Variants in GOSR2 observed in about 807,000 individuals in gnomAD.
GOSR2 encodes 27 kDa Golgi SNARE protein.
In GOSR2, 20 loss-of-function variants were observed where a neutral mutation model predicts 27.9. The observed-to-expected ratio is 0.72, with a 90% CI of 0.50 to 1.04. GOSR2 has a LOEUF of 1.04. GOSR2 is among the 50% of genes least tolerant of loss of function. GOSR2 has a pLI of 0.00. For synonymous variants in GOSR2, 91 were observed against 98.8 expected, an observed-to-expected ratio of 0.92 and a Z score of 0.47; for missense variants, 261 against 270.5, an observed-to-expected ratio of 0.97 and a Z score of 0.25.
chr17:46,940,010 T>G lies in GOSR2; in HGVS notation c.*1250T>G, dbSNP rs1185082117. ...AAATCCTTCAGATCTGGAAACCGGC[T>G]CAGTATTAACCCTACCTTTGGTTGT... On this transcript the variant is annotated 3_prime_UTR_variant, in exon 6 of 6. Coordinates refer to ENST00000640051, the MANE Select transcript of GOSR2 (RefSeq NM_004287.5). 3.0e-6 allele frequency: 3 copies of G among 1,009,998 alleles called. No homozygotes were observed. The highest frequency in any genetic ancestry group is 3.6e-6 in the Non-Finnish European group (3 of 843,778). The allele number at this position is 1,009,998 out of a possible 1,614,324, so 62.6% of individuals were successfully genotyped here. A position where few individuals can be genotyped will look rare whatever the true frequency, so the allele number is the denominator to read the frequency against.
chr17:46,927,359 T>C (rs2086646284), intron 1 of GOSR2, among the ~76,000 whole-genome samples: 1 of 152,170 alleles, frequency 6.6e-6, no homozygotes, highest in Non-Finnish European at 1.5e-5. Flanking sequence ...TGTACAGAAG[T>C]TTTTTGTTTT....
chr17:46,945,015 A>G (rs372645091), downstream of GOSR2, among the ~76,000 whole-genome samples: 9 of 152,208 alleles, frequency 5.9e-5, no homozygotes, highest in Admixed American at 3.3e-4. Flanking sequence ...GACAGGATCT[A>G]CTCGTGAAAC....
intron 6 of GOSR2, among the ~76,000 whole-genome samples, chr17:46,957,736 C>T (rs1377903574): frequency 6.6e-6 from 1 of 152,184 alleles, no homozygotes; most frequent in Non-Finnish European, 1.5e-5. Context: ...TTGATGGCAG[C>T]CCCAGGATGC....
intron 4 of GOSR2, chr17:46,932,603 G>T (rs1351202562): frequency 1.5e-5 from 6 of 400,802 alleles, no homozygotes; most frequent in African/African-American, 1.2e-4. Flanking sequence ...CCGAGTATGT[G>T]TGTGGCTCCA....
downstream of GOSR2, among the ~76,000 whole-genome samples, chr17:46,943,965 T>C (rs1381308901): frequency 2.6e-5 from 4 of 151,988 alleles, no homozygotes; most frequent in Admixed American, 2.6e-4. Context: ...ATGCAGGGTA[T>C]CTAGGAAGAG....
chr17:46,972,070 A>G (rs375123615), intron 6 of GOSR2, among the ~76,000 whole-genome samples: 8 of 135,458 alleles, frequency 5.9e-5, no homozygotes, highest in Admixed American at 4.0e-4. Context: ...AATCACCCTC[A>G]GTGTTGCTGC....
chr17:46,927,457 ATCT>A (rs916353601), intron 1 of GOSR2, among the ~76,000 whole-genome samples: 18 of 152,106 alleles, frequency 1.2e-4, no homozygotes, highest in African/African-American at 4.1e-4. Context: ...TATTTAAGAA[ATCT>A]TCTGTAACCC....
At chr17:46,973,321 CTTTTCTT>C (rs1199861445) in intron 6 of GOSR2, among the ~76,000 whole-genome samples, 3 of 151,804 alleles carry the variant, frequency 2.0e-5, no homozygotes, top group Non-Finnish European at 4.4e-5. Flanking sequence ...TTTTCTTTTT[CTTTTCTT>C]TTTTCTTTTT....
downstream of GOSR2, among the ~76,000 whole-genome samples, chr17:46,945,636 T>G (rs2089788291): frequency 6.6e-6 from 1 of 152,152 alleles, no homozygotes; most frequent in South Asian, 2.1e-4. Context: ...CTCCCTTCTT[T>G]CCAGCCCGAG....
At chr17:46,947,878 C>T (rs902215012) in intron 6 of GOSR2, among the ~76,000 whole-genome samples, 1 of 152,244 alleles carries the variant, frequency 6.6e-6, no homozygotes, top group Non-Finnish European at 1.5e-5. Flanking sequence ...AAGCGACTCT[C>T]CTGCCTCAGC....
chr17:46,925,030 A>C (rs1032798016), intron 1 of GOSR2, among the ~76,000 whole-genome samples: 12 of 152,208 alleles, frequency 7.9e-5, no homozygotes, highest in Admixed American at 5.9e-4. Flanking sequence ...ATGGCTCAGA[A>C]GAGGAATTCT....
rs1568187201 is a variant in GOSR2 at position 46,940,337 on chromosome 17, A to G, written c.*1577A>G. Reference sequence around the variant, plus strand: ...AAGGAAGGAGCAATCTGTGACTCCTAAAATGGGTTGGGGCCCTGCCAGAGT... The same window carrying G: ...AAGGAAGGAGCAATCTGTGACTCCTGAAATGGGTTGGGGCCCTGCCAGAGT... On this transcript the variant is annotated 3_prime_UTR_variant, in exon 6 of 6. Transcript: ENST00000640051. The G allele has an allele frequency of 2.0e-6, 3 of 1,464,400 alleles. No individual in the cohort carries two copies. Among genetic ancestry groups the G allele is most frequent in the African/African-American group, 1.4e-5 (1 of 71,182 alleles). 90.7% of individuals were successfully genotyped at this position (1,464,400 alleles called of 1,614,324 possible). A position where few individuals can be genotyped will look rare whatever the true frequency, so the allele number is the denominator to read the frequency against.
Position 46,941,863 on chromosome 17 carries a change from G to T in GOSR2, c.*3103G>T. 1.1e-6 allele frequency: 1 copy of T among 911,908 alleles called. No homozygotes were observed. Among genetic ancestry groups the T allele is most frequent in the Non-Finnish European group, 1.3e-6 (1 of 762,878 alleles). The allele number at this position is 911,908 out of a possible 1,614,324, so 56.5% of individuals were successfully genotyped here. ...GGCCTCCCAAAGTTCTAGGGTTACA[G>T]GTGTTAGCCACTGTACCTGGCCTCT... On this transcript the variant is annotated 3_prime_UTR_variant, in exon 6 of 6. Transcript: ENST00000640051.
At chr17:46,947,320 C>T (rs1416243816) in intron 6 of GOSR2, among the ~76,000 whole-genome samples, 1 of 152,134 alleles carries the variant, frequency 6.6e-6, no homozygotes, top group Non-Finnish European at 1.5e-5. Context: ...AGTCTCTCTC[C>T]CAGGAGCACC....
At chr17:46,970,555 A>AC (rs2091381359), downstream of GOSR2, among the ~76,000 whole-genome samples, 2 of 151,344 alleles carry the variant, frequency 1.3e-5, no homozygotes, top group African/African-American at 4.9e-5. Flanking sequence ...AAAAAAAAAA[A>AC]AAAAACTCAA....
downstream of GOSR2, among the ~76,000 whole-genome samples, chr17:46,971,466 G>T: frequency 6.6e-6 from 1 of 152,032 alleles, no homozygotes. Context: ...CTGGGTTAGG[G>T]GCTCTGTGAC....
chr17:46,941,970 A>G lies in GOSR2; in HGVS notation c.*3210A>G. On this transcript the variant is annotated 3_prime_UTR_variant, in exon 6 of 6. Coordinates refer to ENST00000640051, the MANE Select transcript of GOSR2 (RefSeq NM_004287.5). Reference sequence around the variant, plus strand: ...GTCTCAAAGATGATCACATTGGTGTAAAGAGCAAAACTTGTTAAGTCCAAA... The same window carrying G: ...GTCTCAAAGATGATCACATTGGTGTGAAGAGCAAAACTTGTTAAGTCCAAA... 3.1e-5 allele frequency: 31 copies of G among 984,960 alleles called. No homozygotes were observed. Among genetic ancestry groups the G allele is most frequent in the Non-Finnish European group, 3.7e-5 (31 of 829,528 alleles). The allele number at this position is 984,960 out of a possible 1,614,324, so 61.0% of individuals were successfully genotyped here.
At chr17:46,938,468 A>G in intron 5 of GOSR2, 131 bp from the exon 6 acceptor site, 1 of 1,409,562 alleles carries the variant, frequency 7.1e-7, no homozygotes. Context: ...TCTGGCTGAT[A>G]TTGCTTTCTG....
intron 6 of GOSR2, chr17:46,963,796 TTC>T (rs1312926962): frequency 6.6e-6 from 1 of 152,150 alleles, no homozygotes; most frequent in Non-Finnish European, 1.5e-5. Flanking sequence ...ACTGGCTGAA[TTC>T]TCTTTTTTTC....
Sources: allele counts gnomAD v4.1 joint callset (sites outside exome capture counted in the v4.1 genomes callset), GRCh38; gene constraint gnomAD v4.1.1; transcripts MANE v1.5; gene names NCBI Gene and HGNC (gene_info 2026-07-23, HGNC 2026-07-21).